RXRA: variants seen among roughly 807,000 people sequenced by gnomAD.
RXRA encodes the protein retinoid X receptor alpha, also known as retinoic acid receptor RXR-alpha.
In RXRA, 5 loss-of-function variants were observed where a neutral mutation model predicts 44.5. The observed-to-expected ratio is 0.11, with a 90% confidence interval of 0.06 to 0.24. RXRA has a LOEUF of 0.24. RXRA is among the 10% of genes least tolerant of loss of function. The probability of loss-of-function intolerance (pLI) is 1.00; values close to 1 mark genes in which losing one functional copy is unlikely to be tolerated. For missense variants in RXRA, 412 were observed against 646.5 expected, an observed-to-expected ratio of 0.64 and a Z score of 3.93; for synonymous variants, 291 against 271.4, an observed-to-expected ratio of 1.07 and a Z score of -0.71.
At chr9:134,356,258 C>A (rs544819803) in intron 1 of RXRA, among the ~76,000 whole-genome samples, 1 of 152,160 alleles carries the variant, frequency 6.6e-6, no homozygotes, top group African/African-American at 2.4e-5. Flanking sequence ...GGTGACTCTC[C>A]CTGGGGGAGT....
chr9:134,377,340 G>T (rs1444060357), intron 1 of RXRA, among the ~76,000 whole-genome samples: 1 of 152,208 alleles, frequency 6.6e-6, no homozygotes, highest in East Asian at 1.9e-4. Flanking sequence ...CCCCATCACT[G>T]CCTGACCAAG....
chr9:134,398,554 G>A (rs1477441444), intron 1 of RXRA, among the ~76,000 whole-genome samples: 2 of 152,282 alleles, frequency 1.3e-5, no homozygotes, highest in African/African-American at 4.8e-5. Context: ...AAACAGGAAG[G>A]GCTGGGAGCA....
At chr9:134,415,802 C>T (rs748046793) in intron 4 of RXRA, among the ~76,000 whole-genome samples, 8 of 152,154 alleles carry the variant, frequency 5.3e-5, no homozygotes, top group Non-Finnish European at 1.0e-4. Context: ...ATTTCCAGGG[C>T]GAGAGTGGAG....
intron 1 of RXRA, among the ~76,000 whole-genome samples, chr9:134,327,285 G>A (rs1040531026): frequency 1.1e-4 from 17 of 152,262 alleles, no homozygotes; most frequent in African/African-American, 3.8e-4. Context: ...TGGCACCCCC[G>A]GGTGTTCTCC....
At chr9:134,431,415 G>C (rs1831530576) in intron 7 of RXRA, among the ~76,000 whole-genome samples, 1 of 152,180 alleles carries the variant, frequency 6.6e-6, no homozygotes, top group Non-Finnish European at 1.5e-5. Context: ...CCCCACCCAG[G>C]GACACCAGGC....
chr9:134,393,424 T>C (rs1830828830), intron 1 of RXRA, among the ~76,000 whole-genome samples: 1 of 152,092 alleles, frequency 6.6e-6, no homozygotes, highest in Non-Finnish European at 1.5e-5. Flanking sequence ...TTCTGAACCA[T>C]GGTGGTTCAG....
In RXRA at chr9:134,371,304, C is replaced by G. The variant is rs138183582; in HGVS notation, c.29-30328C>G. Among the ~76,000 whole-genome samples, 1,093 of 152,304 alleles carry G rather than the reference C, an allele frequency of 7.2e-3. 15 individuals are homozygous for G. Among genetic ancestry groups the G allele is most frequent in the African/African-American group, 0.025 (1,032 of 41,572 alleles). On this transcript the variant is annotated intron_variant, in intron 1 of 9. Coordinates refer to ENST00000481739, the MANE Select transcript of RXRA (RefSeq NM_002957.6). ...GCCTCTGTGTCCTTTGCCGTGAGGT[C>G]TCAGGGGACCAGTCGTCTAGAGCCA...
Position 134,438,652 on chromosome 9 carries a change from A to C in RXRA, c.*2038A>C, listed in dbSNP as rs1457342869. ...TGTGGTGGAAATGGCAGGAGGGTGC[A>C]GGTACTCTTGGGGCCCCAGCGGTGG... On this transcript the variant is annotated 3_prime_UTR_variant, in exon 10 of 10. Coordinates refer to ENST00000481739, the MANE Select transcript of RXRA (RefSeq NM_002957.6). The C allele has an allele frequency of 6.5e-6, 1 of 152,804 alleles. No homozygotes were observed. Among genetic ancestry groups the C allele is most frequent in the Non-Finnish European group, 1.5e-5 (1 of 68,156 alleles). 9.5% of individuals were successfully genotyped at this position (152,804 alleles called of 1,614,324 possible).
At chr9:134,388,262 T>C (rs1453858847) in intron 1 of RXRA, among the ~76,000 whole-genome samples, 1 of 93,648 alleles carries the variant, frequency 1.1e-5, no homozygotes, top group Non-Finnish European at 2.5e-5. Context: ...GGGATGTCTT[T>C]GGTGTTCTCA....
chr9:134,433,462 G>T lies in RXRA; in HGVS notation c.1136-640G>T, dbSNP rs34151834. Among the ~76,000 whole-genome samples, 3,727 of 148,142 alleles carry T rather than the reference G, an allele frequency of 0.025. 61 individuals carry two copies. Among genetic ancestry groups the T allele is most frequent in the Non-Finnish European group, 0.03 (2,040 of 67,902 alleles). On this transcript the variant is annotated intron_variant, in intron 8 of 9. Coordinates refer to ENST00000481739, the MANE Select transcript of RXRA (RefSeq NM_002957.6). This position sits in a 1 kb window ranked among gnomAD's most constrained non-coding sequence, Gnocchi z 4.2. ...GGAGGCAGCTGGGGGAGCCAGGTACGTTGCCAAGGAGCCCAGGACACAGGC... is the reference window on the plus strand; with the variant it reads ...GGAGGCAGCTGGGGGAGCCAGGTACTTTGCCAAGGAGCCCAGGACACAGGC...
chr9:134,346,450 G>A lies in RXRA; in HGVS notation c.28+19791G>A, dbSNP rs73663458. ...AGCTGCCGTGGCCTCACCCCCACTGGTCCTTGCAGCTGGTTCTGCTTGTTC... is the reference window on the plus strand; with the variant it reads ...AGCTGCCGTGGCCTCACCCCCACTGATCCTTGCAGCTGGTTCTGCTTGTTC... On this transcript the variant is annotated intron_variant, in intron 1 of 9. Coordinates refer to ENST00000481739, the MANE Select transcript of RXRA (RefSeq NM_002957.6). 2.0e-5 allele frequency among the ~76,000 whole-genome samples: 3 copies of A among 152,266 alleles called. No individual in the cohort carries two copies. The South Asian group carries it at 6.2e-4, about 32-fold the overall frequency.
intron 4 of RXRA, among the ~76,000 whole-genome samples, chr9:134,411,171 G>T (rs143510047): frequency 6.6e-6 from 1 of 152,154 alleles, no homozygotes; most frequent in Admixed American, 6.5e-5. Context: ...TCTGAGCCCC[G>T]TCCCGGACCC....
intron 4 of RXRA, among the ~76,000 whole-genome samples, chr9:134,414,916 A>G (rs1257339344): frequency 1.3e-5 from 2 of 152,058 alleles, no homozygotes; most frequent in African/African-American, 4.8e-5. Flanking sequence ...CCCGCCCCGG[A>G]TGAGCACCGC....
chr9:134,385,522 G>A (rs987648740), intron 1 of RXRA, among the ~76,000 whole-genome samples: 3 of 152,060 alleles, frequency 2.0e-5, no homozygotes, highest in East Asian at 1.9e-4. Flanking sequence ...CGTCCCCCAC[G>A]CCCCCACAGG....
At chr9:134,336,959 CT>C (rs2119018901) in intron 1 of RXRA, among the ~76,000 whole-genome samples, 1 of 152,336 alleles carries the variant, frequency 6.6e-6, no homozygotes, top group South Asian at 2.1e-4. Context: ...GGGTCTGGGA[CT>C]GTCCTCGAGG....
At chr9:134,400,381 A>G (rs986397590) in intron 1 of RXRA, among the ~76,000 whole-genome samples, 2 of 152,164 alleles carry the variant, frequency 1.3e-5, no homozygotes, top group Admixed American at 6.5e-5. Flanking sequence ...CTATGTGTTC[A>G]TGGTCCTGCT....
intron 1 of RXRA, among the ~76,000 whole-genome samples, chr9:134,334,352 G>T (rs1835052203): frequency 6.6e-6 from 1 of 152,270 alleles, no homozygotes; most frequent in South Asian, 2.1e-4. Flanking sequence ...GCCTGTGCTT[G>T]GGGAGGATGT....
At chr9:134,396,203 C>T (rs1192223305) in intron 1 of RXRA, among the ~76,000 whole-genome samples, 2 of 152,198 alleles carry the variant, frequency 1.3e-5, no homozygotes, top group African/African-American at 2.4e-5. Flanking sequence ...AGCCCATTCT[C>T]ACCATGGCCG....
At chr9:134,416,302 C>G (rs1253948071) in intron 4 of RXRA, among the ~76,000 whole-genome samples, 1 of 152,190 alleles carries the variant, frequency 6.6e-6, no homozygotes, top group Non-Finnish European at 1.5e-5. Flanking sequence ...GGGCTCATGC[C>G]TCAGGCCCCT....
Sources: allele counts gnomAD v4.1 joint callset (sites outside exome capture counted in the v4.1 genomes callset), GRCh38; gene constraint gnomAD v4.1.1; non-coding constraint Gnocchi (gnomAD v3.1); transcripts MANE v1.5; gene names NCBI Gene and HGNC (gene_info 2026-07-23, HGNC 2026-07-21).